Variants in PTPRF observed in about 807,000 individuals in gnomAD.
PTPRF encodes receptor-type tyrosine-protein phosphatase F.
PTPRF carries 59 observed loss-of-function variants against 201.8 expected under a neutral mutation model. The observed-to-expected ratio is 0.29, with a 90% CI of 0.24 to 0.36. The LOEUF is 0.36. Among genes scored for constraint, PTPRF ranks in the 10% least tolerant of loss-of-function variants. PTPRF has a pLI of 1.00. For missense variants in PTPRF, 2,132 were observed against 2,690.5 expected (o/e 0.79, Z 4.59); for synonymous variants, 1,088 against 1,089.7 (o/e 1.00, Z 0.03).
chr1:43,605,870 C>T (rs958450268), intron 19 of PTPRF, among the ~76,000 whole-genome samples: 1 of 152,220 alleles, frequency 6.6e-6, no homozygotes. Context: ...CTCTGCAGGT[C>T]TAGAGAATGC....
intron 5 of PTPRF, among the ~76,000 whole-genome samples, chr1:43,567,901 C>T (rs961786326): frequency 2.0e-5 from 3 of 152,168 alleles, no homozygotes; most frequent in African/African-American, 7.2e-5. Context: ...CAGCTCCCCG[C>T]CTTCCCCAGG....
chr1:43,597,960 A>G lies in PTPRF; in HGVS notation c.2026A>G (p.Lys676Glu). 5.8e-6 allele frequency: 9 copies of G among 1,564,866 alleles called. No homozygotes were observed. The highest frequency in any genetic ancestry group is 7.8e-6 in the Non-Finnish European group (9 of 1,153,880). The change falls in exon 12 of 34, where the codon AAG becomes GAG. Residue 676 changes from lysine to glutamate, a missense_variant. Lys to Glu is a moderately conservative substitution (Grantham distance 56, BLOSUM62 1). Coordinates refer to ENST00000359947, the MANE Select transcript of PTPRF (RefSeq NM_002840.5). Reference protein sequence around the residue: ...HSSWDLVGLEKWTEYRVWVRA... With the variant: ...HSSWDLVGLEEWTEYRVWVRA... Reference sequence around the variant, plus strand: ...CAGCTGGGACCTGGTGGGCCTGGAGAAGTGGACGGAGTACCGGGTGTGGGT... The same window carrying G: ...CAGCTGGGACCTGGTGGGCCTGGAGGAGTGGACGGAGTACCGGGTGTGGGT...
At chr1:43,522,179 C>A (rs533428079), upstream of PTPRF, among the ~76,000 whole-genome samples, 2 of 152,326 alleles carry the variant, frequency 1.3e-5, no homozygotes, top group South Asian at 4.1e-4. Context: ...TAAATCACTT[C>A]ATCTCAGGGT....
upstream of PTPRF, among the ~76,000 whole-genome samples, chr1:43,527,463 C>A (rs1295896402): frequency 1.3e-5 from 2 of 152,220 alleles, no homozygotes; most frequent in African/African-American, 4.8e-5. Context: ...GTATCTAGTT[C>A]CAGATGGCGT....
In PTPRF at chr1:43,606,937, C is replaced by T. The variant is rs754919062; in HGVS notation, c.3826C>T (p.Leu1276Phe). The T allele has an allele frequency of 9.3e-6, 15 of 1,614,054 alleles. No homozygotes were observed. Among genetic ancestry groups the T allele is most frequent in the African/African-American group, 1.3e-5 (1 of 74,938 alleles). Residue 1276 changes from leucine to phenylalanine, a missense_variant, in exon 21 of 34, where the codon CTC becomes TTC. Leu to Phe is a conservative substitution (Grantham distance 22). This residue lies in a region of PTPRF where 818 missense variants were observed against 915.3 expected (regional missense o/e 0.89). Transcript: ENST00000359947. ...CGTGCTGGCAGTCATCCTCATCATCCTCATTGTCATCGCCATCCTCTTGTT... is the reference window on the plus strand; with the variant it reads ...CGTGCTGGCAGTCATCCTCATCATCTTCATTGTCATCGCCATCCTCTTGTT... ...GPVLAVILII[L>F]IVIAILLFKR... is the part of the protein sequence containing the mutation.
chr1:43,534,362 G>C (rs1447386236), intron 1 of PTPRF, among the ~76,000 whole-genome samples: 1 of 152,198 alleles, frequency 6.6e-6, no homozygotes, highest in East Asian at 1.9e-4. Flanking sequence ...TATGGGAAAA[G>C]GATGGAGACA....
Position 43,591,592 on chromosome 1 carries a change from GA to G in PTPRF, c.1531+41del. 3 of 1,515,878 alleles carry G rather than the reference GA, an allele frequency of 2.0e-6. No individual in the cohort carries two copies. The South Asian group carries it at 3.7e-5, about 19-fold the overall frequency. 93.9% of individuals were successfully genotyped at this position (1,515,878 alleles called of 1,614,324 possible). A position where few individuals can be genotyped will look rare whatever the true frequency, so the allele number is the denominator to read the frequency against. ...TGCCGGCTGGGCAGCCAACAGCAGA[GA>G]AGGGGAGGCTGAGGTTGTGGCGGTG... On this transcript the variant is annotated intron_variant, in intron 9 of 33. Transcript: ENST00000359947.
At position 43,554,098 on chromosome 1, in the gene PTPRF, T is replaced by C. The variant is rs1464288375; in HGVS notation, c.379+157T>C. The stretch of plus-strand genomic sequence containing the variant: ...AGTCAGTGGTGGACAGGGATAGTCA[T>C]TGGATCTGGCCTGGATTGTGCGGCT... On this transcript the variant is annotated intron_variant, in intron 5 of 33. Transcript: ENST00000359947. The surrounding 1 kb of genome is among the most constrained non-coding windows in gnomAD (Gnocchi z 4.1). Among the ~76,000 whole-genome samples, 4 of 152,180 alleles carry C rather than the reference T, an allele frequency of 2.6e-5. No individual in the cohort carries two copies. Among genetic ancestry groups the C allele is most frequent in the African/African-American group, 4.8e-5 (2 of 41,432 alleles).
chr1:43,605,396 C>T lies in PTPRF; in HGVS notation c.3342C>T (p.Gly1114=), dbSNP rs1654838069. ...CTGCCTCTGCCTACATAGAGGACGGCCGCTTCGATCTCTCCATGCCCCATG... is the reference window on the plus strand; with the variant it reads ...CTGCCTCTGCCTACATAGAGGACGGTCGCTTCGATCTCTCCATGCCCCATG... The part of the protein sequence containing the change: ...PLPASAYIED[G]RFDLSMPHVQ... The change falls in exon 18 of 34, where the codon GGC becomes GGT. Residue 1114 remains glycine (G), a synonymous_variant. Coordinates refer to ENST00000359947, the MANE Select transcript of PTPRF (RefSeq NM_002840.5). 6.2e-7 allele frequency: 1 copy of T among 1,613,678 alleles called. No individual in the cohort carries two copies. Among genetic ancestry groups the T allele is most frequent in the African/African-American group, 1.3e-5 (1 of 75,078 alleles).
In PTPRF at chr1:43,606,370, A is replaced by G. The variant is rs200885607; in HGVS notation, c.3614A>G (p.Asn1205Ser). ...ACCTTTACCTTGGGGGACAAGAAGA[A>G]CTACCGGGGCTTCTACAACCGGCCC... Reference protein sequence around the residue: ...PETFTLGDKKNYRGFYNRPLS... With the variant: ...PETFTLGDKKSYRGFYNRPLS... The change falls in exon 20 of 34, where the codon AAC becomes AGC. Residue 1205 changes from asparagine (N) to serine (S), a missense_variant. Coordinates refer to ENST00000359947, the MANE Select transcript of PTPRF (RefSeq NM_002840.5). 91 of 1,614,138 alleles carry G rather than the reference A, an allele frequency of 5.6e-5. No individual in the cohort carries two copies. In the Middle Eastern group the frequency reaches 1.3e-3, roughly 23 times the overall value.
chr1:43,541,927 C>G (rs953481434), intron 2 of PTPRF, among the ~76,000 whole-genome samples: 3 of 152,208 alleles, frequency 2.0e-5, no homozygotes, highest in Non-Finnish European at 4.4e-5. Context: ...TTGTTTTTAT[C>G]TCGGTTGTTG....
chr1:43,606,252 A>G lies in PTPRF; in HGVS notation c.3496A>G (p.Ile1166Val). Residue 1166 changes from isoleucine to valine, a missense_variant, in exon 20 of 34, where the codon ATC becomes GTC. Ile to Val is a conservative substitution (Grantham distance 29). Coordinates refer to ENST00000359947, the MANE Select transcript of PTPRF (RefSeq NM_002840.5). ...TCTGCTCTGCCAGCTTCTAGAAGCC[A>G]TCGAGCAAGGCGGAGAGGAGCAGCG... ...ELELDELLEA[I>V]EQGGEEQRRR... is the part of the protein sequence containing the mutation. The G allele has an allele frequency of 6.2e-7, 1 of 1,613,218 alleles. No homozygotes were observed. Among genetic ancestry groups the G allele is most frequent in the Middle Eastern group, 1.7e-4 (1 of 6,046 alleles).
At chr1:43,579,107 A>G (rs767758052) in intron 7 of PTPRF, 187 bp downstream of exon 7, 1 of 718,082 alleles carries the variant, frequency 1.4e-6, no homozygotes, top group Non-Finnish European at 2.6e-6. Flanking sequence ...GTCTGCCACT[A>G]CTTCGCCTTC....
chr1:43,557,010 C>T (rs1418548198), intron 5 of PTPRF, among the ~76,000 whole-genome samples: 3 of 152,240 alleles, frequency 2.0e-5, no homozygotes, highest in Admixed American at 1.3e-4. Context: ...TGACCTGTTT[C>T]CCCACTCGTG....
At chr1:43,556,230 T>C (rs1295615813) in intron 5 of PTPRF, among the ~76,000 whole-genome samples, 1 of 152,144 alleles carries the variant, frequency 6.6e-6, no homozygotes, top group Non-Finnish European at 1.5e-5. Flanking sequence ...CAGTTACTCT[T>C]TTTGTTGTTG....
At chr1:43,598,417 G>T (rs747698839) in intron 12 of PTPRF, 2 of 485,654 alleles carry the variant, frequency 4.1e-6, no homozygotes, top group Non-Finnish European at 7.3e-6. Context: ...AGGACAGGTT[G>T]TGCTGACTAG....
intron 3 of PTPRF, among the ~76,000 whole-genome samples, chr1:43,548,258 G>T (rs956781368): frequency 6.6e-6 from 1 of 152,044 alleles, no homozygotes; most frequent in African/African-American, 2.4e-5. Flanking sequence ...CCAGGTGGGA[G>T]TGAGACCCTG....
chr1:43,568,249 C>T (rs1410030555), intron 5 of PTPRF, among the ~76,000 whole-genome samples: 5 of 150,658 alleles, frequency 3.3e-5, no homozygotes, highest in South Asian at 2.1e-4. Context: ...GAGCTGAGAT[C>T]GCACCACTGC....
intron 5 of PTPRF, among the ~76,000 whole-genome samples, chr1:43,559,550 GGGTGTGCAGTA>G (rs545353718): frequency 5.4e-4 from 81 of 150,464 alleles, no homozygotes; most frequent in African/African-American, 1.9e-3. Flanking sequence ...TGTGCAGCAA[GGGTGTGCAGTA>G]GGTGTGCAGT....
Sources: gnomAD v4.1 joint callset for allele counts (sites outside exome capture counted in the v4.1 genomes callset) on GRCh38, gnomAD v4.1.1 for gene constraint, gnomAD v4.1.1 regional missense constraint, Gnocchi (gnomAD v3.1) non-coding constraint, MANE v1.5 for transcripts, NCBI Gene and HGNC (gene_info 2026-07-23, HGNC 2026-07-21) for gene names.